The following SLCO1B1 variants were observed in gnomAD, a reference collection of about 807,000 sequenced individuals.
SLCO1B1 encodes solute carrier organic anion transporter family member 1B1.
A neutral mutation model predicts 70.1 loss-of-function variants in SLCO1B1; 81 were observed. The ratio of observed to expected loss-of-function variants is 1.16; its 90% CI spans 0.97 to 1.39. The LOEUF is 1.39. SLCO1B1 is among the 40% of genes most tolerant of loss of function. The pLI, the probability that SLCO1B1 is intolerant of heterozygous loss-of-function variation, is 0.00. For missense variants in SLCO1B1, 895 were observed against 799.6 expected (o/e 1.12, Z -1.44); for synonymous variants, 283 against 271.5 (o/e 1.04, Z -0.42).
In SLCO1B1 at chr12:21,178,955, T is replaced by A. The variant is rs139691245; in HGVS notation, c.662T>A (p.Ile221Asn). Reference protein sequence around the residue: ...ILNAIAMIGPIIGFTLGSLFS... With the variant: ...ILNAIAMIGPNIGFTLGSLFS... ...AATGCAATAGCAATGATTGGTCCAA[T>A]CATTGGCTTTACCCTGGGATCTCTG... The change falls in exon 7 of 15, where the codon ATC becomes AAC. Residue 221 changes from isoleucine to asparagine, a missense_variant. Coordinates refer to ENST00000256958, the MANE Select transcript of SLCO1B1 (RefSeq NM_006446.5). 1.2e-6 allele frequency: 2 copies of A among 1,612,206 alleles called. No homozygotes were observed. Among genetic ancestry groups the A allele is most frequent in the African/African-American group, 2.7e-5 (2 of 74,886 alleles).
Position 21,141,549 on chromosome 12 carries a change from A to G in SLCO1B1, c.-26A>G. 1.4e-6 allele frequency: 2 copies of G among 1,468,722 alleles called. No individual in the cohort carries two copies. The highest frequency in any genetic ancestry group is 1.9e-6 in the Non-Finnish European group (2 of 1,049,832). 91.0% of individuals were successfully genotyped at this position (1,468,722 alleles called of 1,614,324 possible). The stretch of plus-strand genomic sequence containing the variant: ...CAAACTGAGCATCAACAACAAAAAC[A>G]TTTGTATGATATCTATATTTCAATC... On this transcript the variant is annotated 5_prime_UTR_variant, in exon 2 of 15. Transcript: ENST00000256958.
chr12:21,234,562 T>TA (rs1439110383), intron 14 of SLCO1B1, among the ~76,000 whole-genome samples: 1 of 152,124 alleles, frequency 6.6e-6, no homozygotes, highest in Non-Finnish European at 1.5e-5. Context: ...TAGTTCGGCT[T>TA]ACACCCAGAA....
intron 7 of SLCO1B1, among the ~76,000 whole-genome samples, chr12:21,183,260 A>G (rs1466771337): frequency 1.3e-5 from 2 of 152,208 alleles, no homozygotes; most frequent in East Asian, 3.9e-4. Context: ...CAGAGAAGCA[A>G]TCGTAGCTCA....
intron 7 of SLCO1B1, among the ~76,000 whole-genome samples, chr12:21,185,781 A>C (rs969204053): frequency 1.2e-4 from 19 of 152,090 alleles, no homozygotes; most frequent in African/African-American, 4.6e-4. Flanking sequence ...AAATAAAACC[A>C]AGAGTTTGTT....
chr12:21,139,492 T>C (rs1382558228), intron 1 of SLCO1B1, among the ~76,000 whole-genome samples: 1 of 152,136 alleles, frequency 6.6e-6, no homozygotes, highest in Non-Finnish European at 1.5e-5. Context: ...TAATATCCTG[T>C]TTGTTACTTC....
intron 2 of SLCO1B1, among the ~76,000 whole-genome samples, chr12:21,166,329 T>G (rs1404131404): frequency 6.6e-6 from 1 of 151,884 alleles, no homozygotes; most frequent in African/African-American, 2.4e-5. Flanking sequence ...TGGGCAAGAG[T>G]TCCTTAATAA....
chr12:21,171,824 C>G (rs967983023), intron 2 of SLCO1B1, among the ~76,000 whole-genome samples: 2 of 151,972 alleles, frequency 1.3e-5, no homozygotes, highest in Non-Finnish European at 2.9e-5. Flanking sequence ...ATTGTGTCAT[C>G]ACTTGGGGGT....
At chr12:21,225,646 A>G (rs1436348110) in intron 14 of SLCO1B1, among the ~76,000 whole-genome samples, 1 of 152,250 alleles carries the variant, frequency 6.6e-6, no homozygotes. Flanking sequence ...GAAAGTATAA[A>G]TTAGGAGAAT....
At chr12:21,178,228 T>C (rs1383789458) in intron 5 of SLCO1B1, among the ~76,000 whole-genome samples, 2 of 152,074 alleles carry the variant, frequency 1.3e-5, no homozygotes, top group African/African-American at 2.4e-5. Flanking sequence ...GATGATTTTA[T>C]AAATGAGAGT....
intron 7 of SLCO1B1, among the ~76,000 whole-genome samples, chr12:21,194,744 A>T (rs1358781748): frequency 6.6e-6 from 1 of 152,188 alleles, no homozygotes. Flanking sequence ...GTGTTAGGCC[A>T]TTCTGGCATT....
chr12:21,186,392 C>T (rs900684689), intron 7 of SLCO1B1, among the ~76,000 whole-genome samples: 1 of 152,058 alleles, frequency 6.6e-6, no homozygotes, highest in Non-Finnish European at 1.5e-5. Flanking sequence ...TCCACATGAA[C>T]AGTTCCTCTC....
intron 11 of SLCO1B1, among the ~76,000 whole-genome samples, chr12:21,211,400 A>G (rs965409499): frequency 1.1e-4 from 16 of 152,356 alleles, no homozygotes; most frequent in Admixed American, 9.8e-4. Flanking sequence ...CTTGCATCCC[A>G]GGGATGAAGC....
chr12:21,167,780 T>A (rs893628396), intron 2 of SLCO1B1, among the ~76,000 whole-genome samples: 1 of 151,904 alleles, frequency 6.6e-6, no homozygotes. Context: ...TCTAATTTTT[T>A]GACTACTTTA....
chr12:21,238,965 C>A lies in SLCO1B1; in HGVS notation c.1866-14C>A, dbSNP rs1183437871. 1 of 1,466,006 alleles carries A rather than the reference C, an allele frequency of 6.8e-7. No individual in the cohort carries two copies. Among genetic ancestry groups the A allele is most frequent in the South Asian group, 1.2e-5 (1 of 84,832 alleles). The allele number at this position is 1,466,006 out of a possible 1,614,324, so 90.8% of individuals were successfully genotyped here. On this transcript the variant is annotated splice_polypyrimidine_tract_variant and intron_variant, in intron 14 of 14. Transcript: ENST00000256958. ...TTAAACTGATTTATTGTTTTATTTTCTCTATTTCTACAGAAGGGTCTACTT... is the reference window on the plus strand; with the variant it reads ...TTAAACTGATTTATTGTTTTATTTTATCTATTTCTACAGAAGGGTCTACTT...
chr12:21,217,369 A>G, intron 12 of SLCO1B1, 66 bp downstream of exon 12: 1 of 1,179,816 alleles, frequency 8.5e-7, no homozygotes, highest in Non-Finnish European at 1.3e-6. Context: ...TGATATGCAT[A>G]TTTTTACATA....
chr12:21,198,983 G>T (rs1353980360), intron 8 of SLCO1B1, among the ~76,000 whole-genome samples: 1 of 152,078 alleles, frequency 6.6e-6, no homozygotes, highest in African/African-American at 2.4e-5. Flanking sequence ...ACAAATCAGG[G>T]ATGGTTTTTC....
intron 11 of SLCO1B1, among the ~76,000 whole-genome samples, chr12:21,216,250 T>C (rs965806325): frequency 3.9e-5 from 6 of 152,058 alleles, no homozygotes; most frequent in African/African-American, 1.4e-4. Flanking sequence ...ACTTGTTCCA[T>C]AAAAAATTCC....
At chr12:21,158,817 T>C (rs1232366482) in intron 2 of SLCO1B1, among the ~76,000 whole-genome samples, 3 of 152,132 alleles carry the variant, frequency 2.0e-5, no homozygotes, top group Non-Finnish European at 4.4e-5. Flanking sequence ...TTGGGTGTTG[T>C]AGTAAAAAAC....
intron 2 of SLCO1B1, among the ~76,000 whole-genome samples, chr12:21,144,511 A>G (rs1180961581): frequency 6.6e-6 from 1 of 152,132 alleles, no homozygotes; most frequent in South Asian, 2.1e-4. Context: ...TCCATGAAAA[A>G]TTTCCCAGTC....
Sources: gnomAD v4.1 joint callset for allele counts (sites outside exome capture counted in the v4.1 genomes callset) on GRCh38, gnomAD v4.1.1 for gene constraint, MANE v1.5 for transcripts, NCBI Gene and HGNC (gene_info 2026-07-23, HGNC 2026-07-21) for gene names.